HYCC2: variants seen among roughly 807,000 people sequenced by gnomAD.
HYCC2 encodes hyccin PI4KA lipid kinase complex subunit 2.
the HYCC2 span, among the ~76,000 whole-genome samples, chr2:201,060,063 G>C: frequency 9.9e-5 from 14 of 141,546 alleles, 1 homozygote; most frequent in East Asian, 1.6e-3. Context: ...GCGGGGGGGG[G>C]GGGGTTCTTC....
At chr2:201,017,227 T>TG in the HYCC2 span, 2 of 1,300,122 alleles carry the variant, frequency 1.5e-6, no homozygotes, top group Non-Finnish European at 2.1e-6. Context: ...TAACTGTTGT[T>TG]TTTTTTTTTT....
At chr2:201,016,339 A>G in the HYCC2 span, among the ~76,000 whole-genome samples, 3 of 152,172 alleles carry the variant, frequency 2.0e-5, no homozygotes, top group Admixed American at 6.5e-5. Context: ...CCCAGGCTTG[A>G]GCACAGTGGC....
At chr2:201,069,366 C>T in the HYCC2 span, among the ~76,000 whole-genome samples, 2 of 152,132 alleles carry the variant, frequency 1.3e-5, no homozygotes, top group African/African-American at 2.4e-5. Flanking sequence ...ACTTCTATAA[C>T]GTATAAACGA....
the HYCC2 span, among the ~76,000 whole-genome samples, chr2:201,010,028 C>T: frequency 6.7e-6 from 1 of 149,774 alleles, no homozygotes; most frequent in Non-Finnish European, 1.5e-5. Flanking sequence ...CGCTTGAACC[C>T]GGGAGGTGGA....
chr2:201,032,284 T>C, the HYCC2 span, among the ~76,000 whole-genome samples: 1 of 152,182 alleles, frequency 6.6e-6, no homozygotes, highest in Admixed American at 6.5e-5. Context: ...TTTTATAATA[T>C]ACTTTAATAT....
the HYCC2 span, among the ~76,000 whole-genome samples, chr2:201,026,163 C>A: frequency 6.6e-6 from 1 of 152,052 alleles, no homozygotes. Flanking sequence ...GGGTTGCAAA[C>A]CTAGTCTCTG....
chr2:201,048,395 G>T, the HYCC2 span, among the ~76,000 whole-genome samples: 2 of 151,712 alleles, frequency 1.3e-5, no homozygotes, highest in African/African-American at 4.8e-5. Context: ...ACAGTATATA[G>T]ACCAAGCTTG....
chr2:201,069,263 G>A, the HYCC2 span, among the ~76,000 whole-genome samples: 1 of 152,132 alleles, frequency 6.6e-6, no homozygotes, highest in Admixed American at 6.5e-5. Context: ...CACTTTCAAG[G>A]TCTATTTTAG....
At chr2:201,002,100 T>C in the HYCC2 span, among the ~76,000 whole-genome samples, 2 of 151,672 alleles carry the variant, frequency 1.3e-5, no homozygotes, top group Non-Finnish European at 2.9e-5. Flanking sequence ...CAAAGAACTA[T>C]TGCAAGTCAC....
At chr2:201,002,338 C>T in the HYCC2 span, among the ~76,000 whole-genome samples, 2 of 146,060 alleles carry the variant, frequency 1.4e-5, no homozygotes, top group Admixed American at 6.8e-5. Context: ...TAAAGAAAAA[C>T]AATAATGAAT....
chr2:201,069,543 AACACACACACAC>A, the HYCC2 span, among the ~76,000 whole-genome samples: 16,068 of 143,626 alleles, frequency 0.11, 987 homozygotes, highest in African/African-American at 0.17. Context: ...CATAAGAAGA[AACACACACACAC>A]ACACACACAC....
At chr2:201,063,358 C>A in the HYCC2 span, 1 of 1,574,234 alleles carries the variant, frequency 6.4e-7, no homozygotes, top group Non-Finnish European at 8.6e-7. Flanking sequence ...AGAGAGCTGT[C>A]TCGAGAGAAG....
At chr2:201,009,153 A>T in the HYCC2 span, 1 of 937,538 alleles carries the variant, frequency 1.1e-6, no homozygotes, top group Non-Finnish European at 1.7e-6. Flanking sequence ...GTATCATGTA[A>T]TAATATTTAA....
the HYCC2 span, chr2:200,996,811 C>T: frequency 6.6e-6 from 1 of 152,022 alleles, no homozygotes; most frequent in Non-Finnish European, 1.5e-5. Context: ...TAAGACTTTC[C>T]CCATATATAG....
the HYCC2 span, among the ~76,000 whole-genome samples, chr2:201,039,483 T>C: frequency 8.5e-5 from 13 of 152,342 alleles, 3 homozygotes; most frequent in Admixed American, 1.3e-4. Context: ...TTTTGACAAG[T>C]AGATGTTGTC....
the HYCC2 span, among the ~76,000 whole-genome samples, chr2:201,060,059 G>C: frequency 2.1e-4 from 31 of 145,478 alleles, no homozygotes; most frequent in South Asian, 1.9e-3. Flanking sequence ...AAAAGCGGGG[G>C]GGGGGGGGTT....
the HYCC2 span, among the ~76,000 whole-genome samples, chr2:201,046,006 C>T: frequency 2.6e-5 from 4 of 152,020 alleles, no homozygotes; most frequent in East Asian, 1.9e-4. Context: ...TTAAAAATAC[C>T]CTCATTAAAA....
At chr2:201,060,678 T>C in the HYCC2 span, among the ~76,000 whole-genome samples, 3 of 152,180 alleles carry the variant, frequency 2.0e-5, no homozygotes, top group Admixed American at 6.6e-5. Context: ...CTTTAAGCAA[T>C]GGTTATTTCT....
chr2:200,997,632 A>G, the HYCC2 span: 1 of 765,992 alleles, frequency 1.3e-6, no homozygotes, highest in South Asian at 1.6e-5. Context: ...GACCTTTATG[A>G]TTTCTTAATC....
Sources: gnomAD v4.1 joint callset for allele counts (sites outside exome capture counted in the v4.1 genomes callset) on GRCh38, gnomAD v4.1.1 for gene constraint, MANE v1.5 for transcripts, NCBI Gene and HGNC (gene_info 2026-07-23, HGNC 2026-07-21) for gene names.